The following UBR2 variants were observed in gnomAD, a reference collection of about 807,000 sequenced individuals.
UBR2 encodes the protein E3 ubiquitin-protein ligase UBR2.
In UBR2, 92 loss-of-function variants were observed where a neutral mutation model predicts 247.9. The observed-to-expected ratio is 0.37, with a 90% CI of 0.31 to 0.44. UBR2 has a LOEUF of 0.44. UBR2 is among the 20% of genes least tolerant of loss of function. The pLI, the probability that UBR2 is intolerant of heterozygous loss-of-function variation, is 1.00. For missense variants in UBR2, 1,613 were observed against 2,112.6 expected (o/e 0.76, Z 4.64); for synonymous variants, 672 against 693.5 (o/e 0.97, Z 0.49).
chr6:42,616,739 C>T (rs544018885), intron 10 of UBR2, among the ~76,000 whole-genome samples: 1 of 151,658 alleles, frequency 6.6e-6, no homozygotes, highest in Non-Finnish European at 1.5e-5. Flanking sequence ...TATTTTTTTG[C>T]ATTCACCTGA....
At chr6:42,606,707 A>G in intron 7 of UBR2, 56 bp downstream of exon 7, 3 of 1,405,604 alleles carry the variant, frequency 2.1e-6, no homozygotes, top group Non-Finnish European at 2.9e-6. Flanking sequence ...AACTAGCTTC[A>G]TATTTCAGCA....
rs1554250279 is a variant in UBR2 at position 42,614,328 on chromosome 6, GTA to G, written c.986-739_986-738del. Among the ~76,000 whole-genome samples the G allele has an allele frequency of 1.2e-3, 160 of 137,200 alleles. 5 individuals carry two copies. Among genetic ancestry groups the G allele is most frequent in the African/African-American group, 4.2e-3 (151 of 35,822 alleles). 90.0% of individuals were successfully genotyped at this position (137,200 alleles called of 152,430 possible). A position where few individuals can be genotyped will look rare whatever the true frequency, so the allele number is the denominator to read the frequency against. ...TGCGTATATGGGTATGTATATATGT[GTA>G]TATGTGTATGTGTGTATGTATGTGT... On this transcript the variant is annotated intron_variant, in intron 8 of 46. Coordinates refer to ENST00000372901, the MANE Select transcript of UBR2 (RefSeq NM_001363705.2).
At chr6:42,614,411 T>TGTAA (rs1794384634) in intron 8 of UBR2, among the ~76,000 whole-genome samples, 1 of 50,672 alleles carries the variant, frequency 2.0e-5, no homozygotes, top group Non-Finnish European at 4.2e-5. Flanking sequence ...TACGTATGTA[T>TGTAA]GTACGTACGT....
Position 42,570,587 on chromosome 6 carries a change from T to C in UBR2, c.79-3147T>C, listed in dbSNP as rs116317592. 3.2e-3 allele frequency among the ~76,000 whole-genome samples: 491 copies of C among 152,254 alleles called. 4 individuals are homozygous for C. Among genetic ancestry groups the C allele is most frequent in the African/African-American group, 0.011 (469 of 41,548 alleles). On this transcript the variant is annotated intron_variant, in intron 1 of 46. Coordinates refer to ENST00000372901, the MANE Select transcript of UBR2 (RefSeq NM_001363705.2). ...ATGCATGCCTTTCTTGGACCAGACT[T>C]TTAAGTCTTGTTATTTATAATAATA...
chr6:42,641,074 G>A (rs1796418681), intron 16 of UBR2, among the ~76,000 whole-genome samples: 1 of 152,118 alleles, frequency 6.6e-6, no homozygotes, highest in African/African-American at 2.4e-5. Context: ...TACCTTCATA[G>A]CAACATTAGA....
intron 34 of UBR2, among the ~76,000 whole-genome samples, chr6:42,669,701 C>T (rs1798321707): frequency 6.6e-6 from 1 of 152,168 alleles, no homozygotes. Context: ...ATCAGGACAC[C>T]TCCAGTCTTT....
At position 42,614,215 on chromosome 6, in the gene UBR2, TATACAC is replaced by T. The variant is rs1284185579; in HGVS notation, c.986-854_986-849del. Among the ~76,000 whole-genome samples, 24 of 50,064 alleles carry T rather than the reference TATACAC, an allele frequency of 4.8e-4. 1 individual carries two copies. Among genetic ancestry groups the T allele is most frequent in the Non-Finnish European group, 9.6e-4 (22 of 22,958 alleles). The allele number at this position is 50,064 out of a possible 152,430, so 32.8% of individuals were successfully genotyped here. ...AAAAAAAAAAAAAAAACTATATATA[TATACAC>T]ACACACACACACACACACACACACG... On this transcript the variant is annotated intron_variant, in intron 8 of 46. Transcript: ENST00000372901.
chr6:42,564,364 C>T lies in UBR2; in HGVS notation c.45C>T (p.Ser15=), dbSNP rs3749897. The change falls in exon 1 of 47, where the codon AGC becomes AGT. Residue 15 remains serine, a synonymous_variant. Coordinates refer to ENST00000372901, the MANE Select transcript of UBR2 (RefSeq NM_001363705.2). The part of the protein sequence containing the change: ...LEPEVQAIDR[S]LLECSAEEIA... ...CAGAGGTGCAGGCCATCGACCGGAG[C>T]TTGCTGGAATGTTCGGCCGAGGAGA... The T allele has an allele frequency of 0.42, 678,179 of 1,608,534 alleles. 144,425 individuals are homozygous for T. Among genetic ancestry groups the T allele is most frequent in the African/African-American group, 0.51 (37,845 of 74,728 alleles).
chr6:42,625,821 T>TC (rs1795306727), intron 11 of UBR2, among the ~76,000 whole-genome samples: 1 of 151,328 alleles, frequency 6.6e-6, no homozygotes, highest in Non-Finnish European at 1.5e-5. Context: ...TTCCCCCCTT[T>TC]TTTTTTTTTT....
At chr6:42,619,063 T>G (rs1176207700) in intron 11 of UBR2, among the ~76,000 whole-genome samples, 1 of 152,120 alleles carries the variant, frequency 6.6e-6, no homozygotes, top group Non-Finnish European at 1.5e-5. Context: ...CATTGAACCA[T>G]TTCCATGCCA....
At position 42,578,960 on chromosome 6, in the gene UBR2, C is replaced by CAA. The variant is rs1254433412; in HGVS notation, c.338+4968_338+4969insAA. ...CCTGGGCGAAACTCCATCTCAAAAA[C>CAA]ACACACACACAAACACACACACACA... On this transcript the variant is annotated intron_variant, in intron 2 of 46. Transcript: ENST00000372901. Among the ~76,000 whole-genome samples the CAA allele has an allele frequency of 8.6e-5, 9 of 104,838 alleles. No homozygotes were observed. In the South Asian group the frequency reaches 9.3e-4, roughly 11 times the overall value. 68.8% of individuals were successfully genotyped at this position (104,838 alleles called of 152,430 possible). A position where few individuals can be genotyped will look rare whatever the true frequency, so the allele number is the denominator to read the frequency against.
At chr6:42,586,634 A>G (rs145653546) in intron 2 of UBR2, among the ~76,000 whole-genome samples, 15 of 100,712 alleles carry the variant, frequency 1.5e-4, no homozygotes, top group African/African-American at 5.5e-4. Flanking sequence ...CGTTTTGATT[A>G]TTTTTTTGGC....
chr6:42,576,568 AGCCCAG>A (rs1791530011), intron 2 of UBR2, among the ~76,000 whole-genome samples: 1 of 122,748 alleles, frequency 8.1e-6, no homozygotes, highest in Non-Finnish European at 1.6e-5. Flanking sequence ...CTCACCCCGT[AGCCCAG>A]GCTGGATTGT....
intron 11 of UBR2, among the ~76,000 whole-genome samples, chr6:42,620,915 C>T (rs1016902573): frequency 2.6e-5 from 4 of 152,132 alleles, no homozygotes; most frequent in African/African-American, 9.7e-5. Flanking sequence ...AGCGATTCTC[C>T]TTCCTCGGCC....
Position 42,641,605 on chromosome 6 carries a change from G to A in UBR2, c.1944G>A (p.Leu648=), listed in dbSNP as rs1796454083. Residue 648 remains leucine (L), a synonymous_variant, in exon 17 of 47, where the codon TTG becomes TTA. Coordinates refer to ENST00000372901, the MANE Select transcript of UBR2 (RefSeq NM_001363705.2). The part of the protein sequence containing the change: ...LPLSELSPPM[L]IEHPLRCLVL... ...AGAGTGAACTTAGCCCACCCATGTT[G>A]ATAGAACACCCTCTTAGATGTCTTG... is the stretch of plus-strand genomic sequence containing the variant. 6.3e-7 allele frequency: 1 copy of A among 1,595,782 alleles called. No individual in the cohort carries two copies. The highest frequency in any genetic ancestry group is 1.4e-5 in the African/African-American group (1 of 73,298).
chr6:42,627,899 T>C (rs1311026504), intron 11 of UBR2, among the ~76,000 whole-genome samples: 1 of 152,210 alleles, frequency 6.6e-6, no homozygotes, highest in East Asian at 1.9e-4. Context: ...CACCCAGGAA[T>C]GAATAAGGGC....
At chr6:42,592,960 G>A (rs979778765) in intron 3 of UBR2, among the ~76,000 whole-genome samples, 3 of 149,676 alleles carry the variant, frequency 2.0e-5, no homozygotes, top group Admixed American at 6.6e-5. Context: ...GGATCACGAG[G>A]TCAGGAGATC....
rs1450191185 is a variant in UBR2, at chr6:42,601,886, T to TAGTAGAGATGAGG, written c.532-1702_532-1701insAGTAGAGATGAGG. On this transcript the variant is annotated intron_variant, in intron 4 of 46. Coordinates refer to ENST00000372901, the MANE Select transcript of UBR2 (RefSeq NM_001363705.2). ...ATTCTTTTTTTTTTCTTTTTTTTTT[T>TAGTAGAGATGAGG]TTTGATGGAGTTTTGCTCTGTTGCC... 1.2e-3 allele frequency among the ~76,000 whole-genome samples: 162 copies of TAGTAGAGATGAGG among 134,410 alleles called. 2 individuals carry two copies. Among genetic ancestry groups the TAGTAGAGATGAGG allele is most frequent in the Middle Eastern group, 7.4e-3 (2 of 272 alleles). 88.2% of individuals were successfully genotyped at this position (134,410 alleles called of 152,430 possible).
intron 26 of UBR2, among the ~76,000 whole-genome samples, chr6:42,656,535 C>CA (rs1240008817): frequency 6.6e-6 from 1 of 152,200 alleles, no homozygotes; most frequent in Non-Finnish European, 1.5e-5. Flanking sequence ...GACCTGTAGT[C>CA]AGCCATTTGC....
Sources: gnomAD v4.1 joint callset for allele counts (sites outside exome capture counted in the v4.1 genomes callset) on GRCh38, gnomAD v4.1.1 for gene constraint, MANE v1.5 for transcripts, NCBI Gene and HGNC (gene_info 2026-07-23, HGNC 2026-07-21) for gene names.